Variants in ENDOU observed in about 807,000 individuals in gnomAD.
The protein encoded by ENDOU is endonuclease, poly(U) specific.
Under a neutral mutation model 54.2 loss-of-function variants are expected in ENDOU, and 49 were observed. The observed-to-expected ratio is 0.90, with a 90% confidence interval of 0.72 to 1.15. The LOEUF is 1.15. ENDOU is among the 50% of genes most tolerant of loss of function. The probability of loss-of-function intolerance (pLI) is 0.00; values close to 1 mark genes in which losing one functional copy is unlikely to be tolerated. For missense variants in ENDOU, 458 were observed against 511.4 expected, an observed-to-expected ratio of 0.90 and a Z score of 1.01; for synonymous variants, 172 against 190.5, an observed-to-expected ratio of 0.90 and a Z score of 0.80.
At chr12:47,711,832 C>T (rs1487843752) in intron 8 of ENDOU, 57 bp from the exon 9 acceptor site, 26 of 1,593,406 alleles carry the variant, frequency 1.6e-5, no homozygotes, top group South Asian at 6.6e-5. Context: ...TGGAGTAGAA[C>T]GGGTGCCCAA....
chr12:47,722,609 G>A (rs768812092), intron 1 of ENDOU, among the ~76,000 whole-genome samples: 5 of 152,210 alleles, frequency 3.3e-5, no homozygotes, highest in Non-Finnish European at 5.9e-5. Context: ...GGCTGGAGCA[G>A]TCTTCCCTGT....
chr12:47,718,106 C>A (rs550079202), intron 3 of ENDOU, 23 bp downstream of exon 3: 9 of 1,552,096 alleles, frequency 5.8e-6, no homozygotes, highest in Non-Finnish European at 7.9e-6. Context: ...CTTGAGGGCC[C>A]CCCTTTGGGG....
intron 8 of ENDOU, among the ~76,000 whole-genome samples, chr12:47,712,084 A>C (rs917836311): frequency 6.6e-6 from 1 of 152,150 alleles, no homozygotes; most frequent in Non-Finnish European, 1.5e-5. Flanking sequence ...CATGGAAGAG[A>C]AGGATCGTTT....
At chr12:47,717,439 G>T (rs557435089) in intron 4 of ENDOU, 79 bp downstream of exon 4, 752 of 1,489,978 alleles carry the variant, frequency 5.0e-4, no homozygotes, top group Non-Finnish European at 6.6e-4. Context: ...TGAAGCTGCT[G>T]GTCCAGGGAC....
chr12:47,716,777 T>G (rs1940253701), intron 5 of ENDOU, 113 bp downstream of exon 5: 3 of 1,119,218 alleles, frequency 2.7e-6, no homozygotes, highest in Non-Finnish European at 3.9e-6. Flanking sequence ...AACTATTTTT[T>G]TTCTGCTCTC....
chr12:47,717,418 T>G lies in ENDOU; in HGVS notation c.382+100A>C. On this transcript the variant is annotated intron_variant, in intron 4 of 9. Coordinates refer to ENST00000422538, the MANE Select transcript of ENDOU (RefSeq NM_001172439.2). ...CAGAGTTTGTGTTTCTAACAAGTTCTCAGACATTGCTGAAGCTGCTGGTCC... is the reference window on the plus strand; with the variant it reads ...CAGAGTTTGTGTTTCTAACAAGTTCGCAGACATTGCTGAAGCTGCTGGTCC... 3.0e-6 allele frequency: 4 copies of G among 1,355,542 alleles called. No individual in the cohort carries two copies. The Admixed American group carries it at 8.1e-5, about 27-fold the overall frequency. The allele number at this position is 1,355,542 out of a possible 1,614,324, so 84.0% of individuals were successfully genotyped here.
intron 1 of ENDOU, among the ~76,000 whole-genome samples, chr12:47,724,654 C>T (rs1181167535): frequency 1.3e-5 from 2 of 152,084 alleles, no homozygotes; most frequent in Non-Finnish European, 2.9e-5. Context: ...CCCACCCACC[C>T]ACTAGCTACC....
intron 9 of ENDOU, 97 bp from the exon 10 acceptor site, chr12:47,711,016 A>C: frequency 4.1e-6 from 3 of 728,596 alleles, no homozygotes; most frequent in Non-Finnish European, 6.9e-6. Context: ...GAAGGGCTCC[A>C]TTCTGCTTAA....
Position 47,725,482 on chromosome 12 carries a change from C to T in ENDOU, c.-69G>A. 6.9e-7 allele frequency: 1 copy of T among 1,457,570 alleles called. No individual in the cohort carries two copies. Among genetic ancestry groups the T allele is most frequent in the African/African-American group, 1.4e-5 (1 of 71,630 alleles). The allele number at this position is 1,457,570 out of a possible 1,614,324, so 90.3% of individuals were successfully genotyped here. A position where few individuals can be genotyped will look rare whatever the true frequency, so the allele number is the denominator to read the frequency against. ...CACTAGAGTCAGATGAATGTCACAG[C>T]TCTCAGACGAGCCTTATTCCTCAAG... On this transcript the variant is annotated 5_prime_UTR_variant, in exon 1 of 10. Coordinates refer to ENST00000422538, the MANE Select transcript of ENDOU (RefSeq NM_001172439.2).
Position 47,716,985 on chromosome 12 carries a change from G to GT in ENDOU, c.455dup (p.Asp152GlufsTer14). On this transcript the variant is annotated frameshift_variant, in exon 5 of 10. Transcript: ENST00000422538. LOFTEE classifies it high-confidence loss of function. ...TGTCTTCCTTCTGGGCTTTGTTGGT[G>GT]TCTGCCCTGTAGATCTTCTCAGAGA... 1 of 1,613,954 alleles carries GT rather than the reference G, an allele frequency of 6.2e-7. No individual in the cohort carries two copies. The highest frequency in any genetic ancestry group is 8.5e-7 in the Non-Finnish European group (1 of 1,179,844).
Position 47,717,175 on chromosome 12 carries a change from G to C in ENDOU, c.383-117C>G, listed in dbSNP as rs1036189611. 112 of 795,560 alleles carry C rather than the reference G, an allele frequency of 1.4e-4. No individual in the cohort carries two copies. The African/African-American group carries it at 1.7e-3, about 12-fold the overall frequency. The allele number at this position is 795,560 out of a possible 1,614,324, so 49.3% of individuals were successfully genotyped here. ...TCAAGAAGCCAGCAAGGAGGGAGGG[G>C]GGCCACAGTTGGACACCCTAGTGGT... On this transcript the variant is annotated intron_variant, in intron 4 of 9. Transcript: ENST00000422538.
At chr12:47,724,029 G>T (rs1032722264) in intron 1 of ENDOU, among the ~76,000 whole-genome samples, 1 of 152,088 alleles carries the variant, frequency 6.6e-6, no homozygotes, top group Non-Finnish European at 1.5e-5. Context: ...CTTCCCCATC[G>T]ATCCCACAGC....
At chr12:47,723,579 C>T (rs1940500385) in intron 1 of ENDOU, among the ~76,000 whole-genome samples, 1 of 152,162 alleles carries the variant, frequency 6.6e-6, no homozygotes, top group Admixed American at 6.5e-5. Flanking sequence ...CTCCATTCCC[C>T]CAAGAAATGC....
intron 2 of ENDOU, 39 bp from the exon 3 acceptor site, chr12:47,718,233 A>T: frequency 6.6e-7 from 1 of 1,520,028 alleles, no homozygotes. Flanking sequence ...CAACAACCTG[A>T]GAATTCCCCT....
At position 47,717,619 on chromosome 12, in the gene ENDOU, C is replaced by G; in HGVS notation, c.281G>C (p.Cys94Ser). The change falls in exon 4 of 10, where the codon TGC becomes TCC. Residue 94 changes from cysteine (C) to serine (S), a missense_variant. Physicochemically the swap from Cys to Ser is moderately radical, Grantham distance 112. Transcript: ENST00000422538. ...GTGGTGCTTGTCAAAGGCTTCGTAG[C>G]AGCGGCCCTGGCAGGAGGTGGGTGC... ...YSAPTSCQGRCYEAFDKHHQC... is the reference protein window; with the variant it reads ...YSAPTSCQGRSYEAFDKHHQC... 6.2e-7 allele frequency: 1 copy of G among 1,614,140 alleles called. No individual in the cohort carries two copies. Among genetic ancestry groups the G allele is most frequent in the Non-Finnish European group, 8.5e-7 (1 of 1,180,014 alleles).
intron 1 of ENDOU, among the ~76,000 whole-genome samples, chr12:47,723,183 G>A (rs1940488593): frequency 6.6e-6 from 1 of 152,222 alleles, no homozygotes; most frequent in African/African-American, 2.4e-5. Context: ...CCCAAGCTGA[G>A]TGGGCTTTTT....
Position 47,715,789 on chromosome 12 carries a change from G to A in ENDOU, c.751+511C>T, listed in dbSNP as rs552898031. ...AGGCTTTCCAACCACAACTCTTCCC[G>A]ATAGGACTTCCCGCTCTGAACCTTT... On this transcript the variant is annotated intron_variant, in intron 6 of 9. Coordinates refer to ENST00000422538, the MANE Select transcript of ENDOU (RefSeq NM_001172439.2). Among the ~76,000 whole-genome samples, 37 of 152,300 alleles carry A rather than the reference G, an allele frequency of 2.4e-4. No homozygotes were observed. In the East Asian group the frequency reaches 3.7e-3, roughly 15 times the overall value.
In ENDOU at chr12:47,716,619, C is replaced by A. The variant is rs1300715779; in HGVS notation, c.552-120G>T. Reference sequence around the variant, plus strand: ...GGGCTGGGTTCAGGAGCCGAGGGGGCACTTCGGGTACTCTTGAAAGTCACA... The same window carrying A: ...GGGCTGGGTTCAGGAGCCGAGGGGGAACTTCGGGTACTCTTGAAAGTCACA... On this transcript the variant is annotated intron_variant, in intron 5 of 9. Transcript: ENST00000422538. 9.3e-6 allele frequency: 8 copies of A among 862,816 alleles called. No homozygotes were observed. In the Admixed American group the frequency reaches 2.0e-4, roughly 22 times the overall value. 53.4% of individuals were successfully genotyped at this position (862,816 alleles called of 1,614,324 possible).
At chr12:47,718,400 TA>T (rs1940332492) in intron 2 of ENDOU, among the ~76,000 whole-genome samples, 1 of 152,176 alleles carries the variant, frequency 6.6e-6, no homozygotes, top group Non-Finnish European at 1.5e-5. Context: ...AGACACATTA[TA>T]GAAAACTTAT....
Sources: gnomAD v4.1 joint callset for allele counts (sites outside exome capture counted in the v4.1 genomes callset) on GRCh38, gnomAD v4.1.1 for gene constraint, MANE v1.5 for transcripts, NCBI Gene and HGNC (gene_info 2026-07-23, HGNC 2026-07-21) for gene names.